Variants in MAN2A1 observed in about 807,000 individuals in gnomAD.
MAN2A1 encodes the protein mannosidase alpha class 2A member 1.
In MAN2A1, 76 loss-of-function variants were observed where a neutral mutation model predicts 142.6. That is an observed-to-expected ratio of 0.53 (90% confidence interval 0.44 to 0.65). The LOEUF is 0.65. Ranked by LOEUF, MAN2A1 falls within the 30% of genes least tolerant of loss-of-function variation. The probability of loss-of-function intolerance (pLI) is 0.00; values close to 1 mark genes in which losing one functional copy is unlikely to be tolerated. For missense variants in MAN2A1, 1,311 were observed against 1,365.1 expected, an observed-to-expected ratio of 0.96 and a Z score of 0.62; for synonymous variants, 559 against 473.2, an observed-to-expected ratio of 1.18 and a Z score of -2.35.
intron 12 of MAN2A1, among the ~76,000 whole-genome samples, chr5:109,792,561 C>G (rs1322397905): frequency 1.3e-5 from 2 of 152,086 alleles, no homozygotes; most frequent in African/African-American, 4.8e-5. Context: ...ACCTGATGGT[C>G]AAATGTTTTA....
intron 16 of MAN2A1, among the ~76,000 whole-genome samples, chr5:109,839,326 A>G (rs1755138758): frequency 6.6e-6 from 1 of 152,192 alleles, no homozygotes; most frequent in Non-Finnish European, 1.5e-5. Flanking sequence ...AGAGTGATGC[A>G]TTTCGTAGGT....
At chr5:109,788,881 T>C (rs1366098713) in intron 10 of MAN2A1, 53 bp from the exon 11 acceptor site, 7 of 822,478 alleles carry the variant, frequency 8.5e-6, no homozygotes, top group African/African-American at 3.4e-5. Context: ...CTGAAAATAT[T>C]GTATGCAGAT....
chr5:109,710,902 C>G (rs1315456538), intron 1 of MAN2A1, among the ~76,000 whole-genome samples: 1 of 152,148 alleles, frequency 6.6e-6, no homozygotes, highest in Non-Finnish European at 1.5e-5. Context: ...GTTGGCTAGG[C>G]TAGTCTCAAA....
intron 4 of MAN2A1, among the ~76,000 whole-genome samples, chr5:109,732,764 A>T (rs1582835656): frequency 6.6e-6 from 1 of 152,210 alleles, no homozygotes; most frequent in Admixed American, 6.5e-5. Flanking sequence ...TGGTTACTGT[A>T]GCCTTGTAGT....
chr5:109,726,184 G>C (rs1751739807), intron 3 of MAN2A1, among the ~76,000 whole-genome samples: 1 of 152,134 alleles, frequency 6.6e-6, no homozygotes, highest in Non-Finnish European at 1.5e-5. Context: ...AGTGTCCTAA[G>C]ATTATTAAAT....
At chr5:109,828,811 G>T (rs1205999618) in intron 16 of MAN2A1, among the ~76,000 whole-genome samples, 1 of 152,164 alleles carries the variant, frequency 6.6e-6, no homozygotes, top group African/African-American at 2.4e-5. Flanking sequence ...AAAATGTAAT[G>T]AACTGACATC....
chr5:109,771,553 A>G (rs1753145767), intron 7 of MAN2A1, among the ~76,000 whole-genome samples: 1 of 152,202 alleles, frequency 6.6e-6, no homozygotes, highest in Non-Finnish European at 1.5e-5. Flanking sequence ...AAAACTGCCC[A>G]AGGTTAGGGA....
At chr5:109,840,378 CT>C (rs1257869120) in intron 16 of MAN2A1, 8 of 383,660 alleles carry the variant, frequency 2.1e-5, no homozygotes, top group African/African-American at 1.7e-4. Context: ...TTTAGGTCAT[CT>C]CCAGAGAAAT....
chr5:109,817,648 G>A (rs1053839209), intron 13 of MAN2A1, among the ~76,000 whole-genome samples: 1 of 152,018 alleles, frequency 6.6e-6, no homozygotes, highest in African/African-American at 2.4e-5. Context: ...TTCTTTGTTA[G>A]TATATATATT....
intron 12 of MAN2A1, among the ~76,000 whole-genome samples, chr5:109,807,192 A>G (rs1359218730): frequency 3.3e-5 from 5 of 152,140 alleles, no homozygotes; most frequent in African/African-American, 1.2e-4. Context: ...TCCCAGTTCC[A>G]AGGACCCCAA....
intron 8 of MAN2A1, among the ~76,000 whole-genome samples, chr5:109,776,069 C>CTTTTTTTTTTT (rs35427592): frequency 3.0e-5 from 4 of 134,942 alleles, no homozygotes; most frequent in African/African-American, 2.8e-5. Flanking sequence ...CTTTTAAAGT[C>CTTTTTTTTTTT]TTTTTTTTTT....
chr5:109,810,077 C>G (rs1754276184), intron 12 of MAN2A1, among the ~76,000 whole-genome samples: 1 of 151,914 alleles, frequency 6.6e-6, no homozygotes, highest in Non-Finnish European at 1.5e-5. Context: ...GTGTTAATTT[C>G]TATGGTAAAA....
At chr5:109,693,746 C>A (rs1257453671) in intron 1 of MAN2A1, among the ~76,000 whole-genome samples, 1 of 152,142 alleles carries the variant, frequency 6.6e-6, no homozygotes, top group Non-Finnish European at 1.5e-5. Flanking sequence ...GGAAGTCTAT[C>A]CTGAAGCACT....
chr5:109,693,995 A>T (rs1359509938), intron 1 of MAN2A1, among the ~76,000 whole-genome samples: 1 of 152,226 alleles, frequency 6.6e-6, no homozygotes, highest in African/African-American at 2.4e-5. Flanking sequence ...GTCTCCCTGA[A>T]ATTAGTCATC....
chr5:109,715,618 TATAAC>T (rs1751431432), intron 2 of MAN2A1, among the ~76,000 whole-genome samples: 1 of 152,286 alleles, frequency 6.6e-6, no homozygotes, highest in African/African-American at 2.4e-5. Flanking sequence ...GATAGGTAGA[TATAAC>T]ATATGCTACA....
chr5:109,743,088 C>T (rs191618652), intron 4 of MAN2A1, among the ~76,000 whole-genome samples: 2 of 152,258 alleles, frequency 1.3e-5, no homozygotes, highest in African/African-American at 4.8e-5. Context: ...CCATTCTCCT[C>T]GAAATTCTGT....
At chr5:109,799,375 C>T (rs1424025471) in intron 12 of MAN2A1, among the ~76,000 whole-genome samples, 2 of 152,104 alleles carry the variant, frequency 1.3e-5, no homozygotes, top group African/African-American at 4.8e-5. Context: ...ATTCAGAACA[C>T]AAAAATTCAG....
intron 16 of MAN2A1, among the ~76,000 whole-genome samples, chr5:109,841,698 T>C (rs1331902363): frequency 6.6e-6 from 1 of 152,206 alleles, no homozygotes; most frequent in Non-Finnish European, 1.5e-5. Flanking sequence ...ACAAAATGGA[T>C]CATTTCATAA....
At chr5:109,813,528 G>A (rs982719656) in intron 12 of MAN2A1, among the ~76,000 whole-genome samples, 22 of 152,206 alleles carry the variant, frequency 1.4e-4, no homozygotes, top group Admixed American at 1.4e-3. Flanking sequence ...TGCCCCACAG[G>A]GGTTGCCCAT....
Sources: gnomAD v4.1 joint callset for allele counts (sites outside exome capture counted in the v4.1 genomes callset) on GRCh38, gnomAD v4.1.1 for gene constraint, MANE v1.5 for transcripts, NCBI Gene and HGNC (gene_info 2026-07-23, HGNC 2026-07-21) for gene names.